Variants in GGA1 observed in about 807,000 individuals in gnomAD.
The protein encoded by GGA1 is ADP-ribosylation factor-binding protein GGA1.
A neutral mutation model predicts 76.9 loss-of-function variants in GGA1; 18 were observed. That is an observed-to-expected ratio of 0.23 (90% CI 0.16 to 0.35). The LOEUF (loss-of-function observed/expected upper bound fraction) is 0.35. Ranked by LOEUF, GGA1 falls within the 10% of genes least tolerant of loss-of-function variation. GGA1 has a pLI of 1.00. For synonymous variants in GGA1, 342 were observed against 354.7 expected (o/e 0.96, Z 0.40); for missense variants, 755 against 859.0 (o/e 0.88, Z 1.51).
intron 14 of GGA1, among the ~76,000 whole-genome samples, chr22:37,631,723 C>T (rs912366695): frequency 2.6e-5 from 4 of 152,174 alleles, no homozygotes; most frequent in Non-Finnish European, 5.9e-5. Flanking sequence ...CAGGCAGCAG[C>T]CACACAGCAT....
chr22:37,620,852 C>T lies in GGA1; in HGVS notation c.467C>T (p.Thr156Ile), dbSNP rs767107217. The T allele has an allele frequency of 1.2e-6, 2 of 1,612,772 alleles. No homozygotes were observed. The highest frequency in any genetic ancestry group is 1.7e-6 in the Non-Finnish European group (2 of 1,178,736). ...GACCCCAAGCTTCCAGATGACACTA[C>T]CTTTCCCCTTCCTCCTCCACGGCCG... ...KSDPKLPDDT[T>I]FPLPPPRPKN... Residue 156 changes from threonine (T) to isoleucine (I), a missense_variant, in exon 6 of 17, where the codon ACC becomes ATC. Transcript: ENST00000343632.
chr22:37,616,941 C>T lies in GGA1; in HGVS notation c.148C>T (p.Leu50=). The T allele has an allele frequency of 6.2e-7, 1 of 1,608,116 alleles. No individual in the cohort carries two copies. The change falls in exon 3 of 17, where the codon CTG becomes TTG. Residue 50 remains leucine, a synonymous_variant. Coordinates refer to ENST00000343632, the MANE Select transcript of GGA1 (RefSeq NM_013365.5). The stretch of plus-strand genomic sequence containing the variant: ...ACCCAGGCCTCCACTCGCCACCCGG[C>T]TGCTGGCCCACAAGATCCAGTCCCC... ...DFEGPPLATR[L]LAHKIQSPQE...
chr22:37,631,200 C>G, intron 14 of GGA1, 101 bp downstream of exon 14: 1 of 977,524 alleles, frequency 1.0e-6, no homozygotes, highest in Non-Finnish European at 1.5e-6. Flanking sequence ...GCTCCCCTGG[C>G]TCTGCCACTG....
chr22:37,610,629 C>T (rs1927338149), intron 1 of GGA1: 1 of 151,616 alleles, frequency 6.6e-6, no homozygotes, highest in South Asian at 2.1e-4. Flanking sequence ...GCGTTAGCCA[C>T]TCATCCGCCC....
chr22:37,620,108 G>A lies in GGA1; in HGVS notation c.304-130G>A, dbSNP rs1601526265. 14 of 972,956 alleles carry A rather than the reference G, an allele frequency of 1.4e-5. No homozygotes were observed. The East Asian group carries it at 3.4e-4, about 23-fold the overall frequency. The allele number at this position is 972,956 out of a possible 1,614,324, so 60.3% of individuals were successfully genotyped here. On this transcript the variant is annotated intron_variant, in intron 4 of 16. Transcript: ENST00000343632. ...GTCTACCCCAGGCTGGTTGGGCGGG[G>A]CTATGAGGACCCTGTAGGCTAGAGG...
At chr22:37,626,097 A>G (rs1367825250) in intron 11 of GGA1, 148 bp downstream of exon 11, 1 of 501,376 alleles carries the variant, frequency 2.0e-6, no homozygotes. Context: ...TTCACAACTG[A>G]GGAAACTGAG....
intron 3 of GGA1, 195 bp from the exon 4 acceptor site, chr22:37,618,253 G>A (rs1006562841): frequency 1.0e-4 from 57 of 563,312 alleles, no homozygotes; most frequent in Middle Eastern, 9.4e-4. Flanking sequence ...TATGTAGGTC[G>A]CCTGACCCTA....
intron 1 of GGA1, among the ~76,000 whole-genome samples, chr22:37,613,597 C>T (rs1164837095): frequency 6.6e-6 from 1 of 152,048 alleles, no homozygotes; most frequent in Non-Finnish European, 1.5e-5. Flanking sequence ...GATGGGGTTT[C>T]ATCGTGTTAG....
At position 37,608,923 on chromosome 22, in the gene GGA1, G is replaced by T; in HGVS notation, c.43+20G>T. 1 of 1,322,410 alleles carries T rather than the reference G, an allele frequency of 7.6e-7. No individual in the cohort carries two copies. 81.9% of individuals were successfully genotyped at this position (1,322,410 alleles called of 1,614,324 possible). A position where few individuals can be genotyped will look rare whatever the true frequency, so the allele number is the denominator to read the frequency against. On this transcript the variant is annotated intron_variant, in intron 1 of 16. Transcript: ENST00000343632. ...GAATCAGTGAGTGTCCGGGAGGGGC[G>T]CGGGCCGGACCGGAACCGGAACCGG... is the stretch of plus-strand genomic sequence containing the variant.
In GGA1 at chr22:37,614,969, ACT is replaced by A. The variant is rs1235659889; in HGVS notation, c.128+698_128+699del. On this transcript the variant is annotated intron_variant, in intron 2 of 16. Coordinates refer to ENST00000343632, the MANE Select transcript of GGA1 (RefSeq NM_013365.5). The stretch of plus-strand genomic sequence containing the variant: ...CCTGCAGCCTGGGCAGCAGAGTGAG[ACT>A]CTGTCTCGAAAAACAAAACAAAGAA... Among the ~76,000 whole-genome samples the A allele has an allele frequency of 2.0e-5, 3 of 152,150 alleles. No homozygotes were observed. In the East Asian group the frequency reaches 5.8e-4, roughly 29 times the overall value.
In GGA1 at chr22:37,624,217, ACCCTGGCACCTGGG is replaced by A. The variant is rs1930403175; in HGVS notation, c.832+585_832+598del. 1 of 159,482 alleles carries A rather than the reference ACCCTGGCACCTGGG, an allele frequency of 6.3e-6. No individual in the cohort carries two copies. The highest frequency in any genetic ancestry group is 1.6e-4 in the South Asian group (1 of 6,114). The allele number at this position is 159,482 out of a possible 1,614,324, so 9.9% of individuals were successfully genotyped here. Reference sequence around the variant, plus strand: ...AGGCTCACTGCCCAGATTGCCCCACACCCTGGCACCTGGGGAAGGCAGTGTTGCCGAGGGCCTGA... The same window carrying A: ...AGGCTCACTGCCCAGATTGCCCCACAGAAGGCAGTGTTGCCGAGGGCCTGA... On this transcript the variant is annotated intron_variant, in intron 9 of 16. Coordinates refer to ENST00000343632, the MANE Select transcript of GGA1 (RefSeq NM_013365.5). This position sits in a 1 kb window ranked among gnomAD's most constrained non-coding sequence, Gnocchi z 4.3.
At chr22:37,618,389 G>T in intron 3 of GGA1, 59 bp from the exon 4 acceptor site, 1 of 996,520 alleles carries the variant, frequency 1.0e-6, no homozygotes, top group East Asian at 2.5e-5. Flanking sequence ...AGGCGTGGGA[G>T]GGAGGCCACG....
chr22:37,614,343 C>A, intron 2 of GGA1, 69 bp downstream of exon 2: 1 of 1,113,948 alleles, frequency 9.0e-7, no homozygotes. Context: ...GTACAATGGC[C>A]TGGGTGGGTG....
chr22:37,617,886 C>T lies in GGA1; in HGVS notation c.205-562C>T, dbSNP rs1929103204. 2.2e-5 allele frequency: 7 copies of T among 318,884 alleles called. No individual in the cohort carries two copies. In the South Asian group the frequency reaches 8.8e-4, roughly 40 times the overall value. The allele number at this position is 318,884 out of a possible 1,614,324, so 19.8% of individuals were successfully genotyped here. On this transcript the variant is annotated intron_variant, in intron 3 of 16. Coordinates refer to ENST00000343632, the MANE Select transcript of GGA1 (RefSeq NM_013365.5). ...CCTGTAATCCCAGCACTTTGGCAGGCTGAGGCGGGCAGATCACCTGAGATC... is the reference window on the plus strand; with the variant it reads ...CCTGTAATCCCAGCACTTTGGCAGGTTGAGGCGGGCAGATCACCTGAGATC...
At chr22:37,613,464 G>A (rs1043171887) in intron 1 of GGA1, among the ~76,000 whole-genome samples, 2 of 151,982 alleles carry the variant, frequency 1.3e-5, no homozygotes, top group South Asian at 2.1e-4. Context: ...GCAGTGGCGA[G>A]ACCTCGGCTC....
rs960925444 is a variant in GGA1 at position 37,624,673 on chromosome 22, T to C, written c.833-296T>C. 3.2e-5 allele frequency: 11 copies of C among 347,414 alleles called. 1 individual carries two copies. The highest frequency in any genetic ancestry group is 2.5e-4 in the South Asian group (9 of 36,604). 21.5% of individuals were successfully genotyped at this position (347,414 alleles called of 1,614,324 possible). On this transcript the variant is annotated intron_variant, in intron 9 of 16. Coordinates refer to ENST00000343632, the MANE Select transcript of GGA1 (RefSeq NM_013365.5). The surrounding 1 kb of genome is among the most constrained non-coding windows in gnomAD (Gnocchi z 4.3). ...CTGAAGGCAGTAAGGGATGAAGCCA[T>C]GCAGAGATCTGGGGCAGCCAGAGAG...
At chr22:37,609,139 AC>A in intron 1 of GGA1, 1 of 1,462,848 alleles carries the variant, frequency 6.8e-7, no homozygotes. Context: ...CTGGGCCATG[AC>A]CCCTGGGACG....
chr22:37,609,171 AC>A, intron 1 of GGA1: 6 of 1,428,550 alleles, frequency 4.2e-6, no homozygotes, highest in East Asian at 3.5e-5. Context: ...TGCGCCGGGA[AC>A]CCCCGGGACG....
At chr22:37,616,459 T>G (rs9619691) in intron 2 of GGA1, among the ~76,000 whole-genome samples, 94,016 of 152,042 alleles carry the variant, frequency 0.62, 29,951 homozygotes, top group African/African-American at 0.78. Flanking sequence ...TTACAGTCTG[T>G]TAGATGATGT....
Sources: gnomAD v4.1 joint callset for allele counts (sites outside exome capture counted in the v4.1 genomes callset) on GRCh38, gnomAD v4.1.1 for gene constraint, Gnocchi (gnomAD v3.1) non-coding constraint, MANE v1.5 for transcripts, NCBI Gene and HGNC (gene_info 2026-07-23, HGNC 2026-07-21) for gene names.